NEK10: variants seen among roughly 807,000 people sequenced by gnomAD.
NEK10 encodes the protein NIMA related kinase 10.
A neutral mutation model predicts 159.8 loss-of-function variants in NEK10; 122 were observed. The observed-to-expected ratio is 0.76, with a 90% CI of 0.66 to 0.89. The LOEUF (loss-of-function observed/expected upper bound fraction) is 0.89. Ranked by LOEUF, NEK10 falls within the 40% of genes least tolerant of loss-of-function variation. NEK10 has a pLI of 0.00. For missense variants in NEK10, 1,342 were observed against 1,323.1 expected (o/e 1.01, Z -0.22); for synonymous variants, 466 against 457.1 (o/e 1.02, Z -0.25).
chr3:27,210,042 C>T (rs1344046562), intron 23 of NEK10, among the ~76,000 whole-genome samples: 1 of 143,878 alleles, frequency 7.0e-6, no homozygotes, highest in Admixed American at 7.3e-5. Context: ...TGATAAGAGA[C>T]ATTTTACCAC....
At chr3:27,202,629 C>T in intron 23 of NEK10, 72 bp from the exon 24 acceptor site, 2 of 1,386,512 alleles carry the variant, frequency 1.4e-6, no homozygotes, top group Non-Finnish European at 1.9e-6. Context: ...AATTTTCAAG[C>T]TTTATTGGAG....
intron 30 of NEK10, among the ~76,000 whole-genome samples, chr3:27,145,738 C>T (rs1944235702): frequency 1.3e-5 from 2 of 151,154 alleles, no homozygotes; most frequent in African/African-American, 4.9e-5. Context: ...TAGATTCTAC[C>T]CCCATTTTAC....
chr3:27,202,583 C>T (rs1239930233), intron 23 of NEK10, 26 bp from the exon 24 acceptor site: 7 of 1,563,096 alleles, frequency 4.5e-6, no homozygotes, highest in Non-Finnish European at 5.2e-6. Flanking sequence ...GACATTAATA[C>T]ATGCTAAGGA....
chr3:27,263,434 G>A (rs2040592902), intron 22 of NEK10, among the ~76,000 whole-genome samples: 1 of 152,200 alleles, frequency 6.6e-6, no homozygotes, highest in Non-Finnish European at 1.5e-5. Context: ...ACAGAGGCAG[G>A]CAGGCCTCCT....
In NEK10 at chr3:27,295,678, A is replaced by G; in HGVS notation, c.1243T>C (p.Tyr415His). ...AHQVVQENGV[Y>H]TIAKLILPNK... The stretch of plus-strand genomic sequence containing the variant: ...GGTAAAATTAATTTTGCTATTGTAT[A>G]TACACCATTTTCCTGAAAGAATAAA... Residue 415 changes from tyrosine (Y) to histidine (H), a missense_variant, in exon 15 of 36, where the codon TAT (tyrosine) becomes CAT (histidine). By Grantham distance (83) the Tyr-to-His change is moderately conservative. Coordinates refer to ENST00000691995, the MANE Select transcript of NEK10 (RefSeq NM_001394966.1). 6.4e-7 allele frequency: 1 copy of G among 1,566,212 alleles called. No homozygotes were observed. Among genetic ancestry groups the G allele is most frequent in the Non-Finnish European group, 8.7e-7 (1 of 1,153,114 alleles).
intron 5 of NEK10, among the ~76,000 whole-genome samples, chr3:27,329,246 A>G (rs1302586646): frequency 1.3e-5 from 2 of 152,244 alleles, no homozygotes; most frequent in Admixed American, 6.5e-5. Context: ...CTCCCCAGCC[A>G]CATGGAAATG....
chr3:27,179,605 G>A (rs922768286), intron 26 of NEK10, among the ~76,000 whole-genome samples: 1 of 152,174 alleles, frequency 6.6e-6, no homozygotes, highest in Non-Finnish European at 1.5e-5. Flanking sequence ...GGAAAACAAT[G>A]TCATAATCTG....
At chr3:27,168,517 T>A (rs1178409919) in intron 29 of NEK10, among the ~76,000 whole-genome samples, 1 of 152,150 alleles carries the variant, frequency 6.6e-6, no homozygotes, top group African/African-American at 2.4e-5. Flanking sequence ...TCCTTTTAAT[T>A]CAGAGAAGCC....
At chr3:27,250,332 G>A (rs993886554) in intron 23 of NEK10, among the ~76,000 whole-genome samples, 5 of 151,730 alleles carry the variant, frequency 3.3e-5, no homozygotes, top group Admixed American at 6.6e-5. Flanking sequence ...GACTACAGGC[G>A]CCCACCACCA....
chr3:27,162,479 G>A (rs560857654), intron 30 of NEK10: 9 of 1,613,960 alleles, frequency 5.6e-6, no homozygotes, highest in Middle Eastern at 1.6e-4. Context: ...TTGAGATTTC[G>A]AAGAATCACA....
At chr3:27,295,163 T>G (rs2043268209) in intron 15 of NEK10, among the ~76,000 whole-genome samples, 1 of 152,192 alleles carries the variant, frequency 6.6e-6, no homozygotes, top group South Asian at 2.1e-4. Context: ...CTCACAGCTT[T>G]CACACTTGGT....
At chr3:27,247,961 T>C (rs936538263) in intron 23 of NEK10, among the ~76,000 whole-genome samples, 1 of 152,086 alleles carries the variant, frequency 6.6e-6, no homozygotes, top group Non-Finnish European at 1.5e-5. Context: ...AGTTATTCTT[T>C]AAACATCTGG....
chr3:27,247,421 T>G (rs772983235), intron 23 of NEK10, among the ~76,000 whole-genome samples: 3 of 152,246 alleles, frequency 2.0e-5, no homozygotes, highest in Non-Finnish European at 4.4e-5. Flanking sequence ...ATACAATGTA[T>G]CACATTGATT....
chr3:27,149,038 TG>T (rs1944580805), intron 30 of NEK10, among the ~76,000 whole-genome samples: 1 of 151,934 alleles, frequency 6.6e-6, no homozygotes, highest in Non-Finnish European at 1.5e-5. Flanking sequence ...AAATAATCAT[TG>T]GTAAAGGAAA....
chr3:27,224,023 T>C (rs1952382417), intron 23 of NEK10, among the ~76,000 whole-genome samples: 1 of 152,194 alleles, frequency 6.6e-6, no homozygotes, highest in African/African-American at 2.4e-5. Context: ...AAAGAGGATC[T>C]TTGCAGAGGT....
chr3:27,346,676 A>G (rs1338114816), intron 3 of NEK10, among the ~76,000 whole-genome samples: 1 of 152,172 alleles, frequency 6.6e-6, no homozygotes, highest in South Asian at 2.1e-4. Flanking sequence ...TATAGAGCAG[A>G]GTGCCCAAAT....
rs572660763 is a variant in NEK10 at position 27,244,577 on chromosome 3, G to A, written c.2090+11719C>T. On this transcript the variant is annotated intron_variant, in intron 23 of 35. Transcript: ENST00000691995. ...ACATGGGCCACGAGTAGGCAGTATA[G>A]GTATAGGACTAACCAGTAGAGCCTA... Among the ~76,000 whole-genome samples the A allele has an allele frequency of 9.9e-5, 15 of 152,244 alleles. No homozygotes were observed. In the East Asian group the frequency reaches 2.1e-3, roughly 22 times the overall value.
chr3:27,193,350 C>G (rs1242855526), intron 25 of NEK10, among the ~76,000 whole-genome samples: 4 of 152,200 alleles, frequency 2.6e-5, no homozygotes, highest in Non-Finnish European at 5.9e-5. Flanking sequence ...AAACTGCTAA[C>G]CAGAATACTA....
chr3:27,274,021 T>G (rs2041579160), intron 22 of NEK10, among the ~76,000 whole-genome samples: 1 of 151,754 alleles, frequency 6.6e-6, no homozygotes, highest in East Asian at 1.9e-4. Context: ...GTCCAACTAC[T>G]ATTAATATTA....
Sources: gnomAD v4.1 joint callset for allele counts (sites outside exome capture counted in the v4.1 genomes callset) on GRCh38, gnomAD v4.1.1 for gene constraint, MANE v1.5 for transcripts, NCBI Gene and HGNC (gene_info 2026-07-23, HGNC 2026-07-21) for gene names.